FAM90A1: variants seen among roughly 807,000 people sequenced by gnomAD.
FAM90A1 encodes family with sequence similarity 90 member A1.
A neutral mutation model predicts 14.8 loss-of-function variants in FAM90A1; 10 were observed. The observed-to-expected ratio is 0.67, with a 90% CI of 0.42 to 1.14. The LOEUF is 1.14. Ranked by LOEUF, FAM90A1 falls within the 50% of genes most tolerant of loss-of-function variation. The probability of loss-of-function intolerance (pLI) is 0.00; values close to 1 mark genes in which losing one functional copy is unlikely to be tolerated. For synonymous variants in FAM90A1, 236 were observed against 248.4 expected (o/e 0.95, Z 0.47); for missense variants, 567 against 602.8 (o/e 0.94, Z 0.62).
rs373187974 is a variant in FAM90A1 at position 8,222,602 on chromosome 12, C to A, written c.615G>T (p.Gly205=). The change falls in exon 7 of 7, where the codon GGG becomes GGT. Residue 205 remains glycine (G), a synonymous_variant. Transcript: ENST00000538603. ...CAGTCTGAGGGATGTCGGCCGCAGC[C>A]CCTGTCTGTCTTTCCTTTGGTCCAA... The part of the protein sequence containing the change: ...SSLGPKERQT[G]AAADIPQTAV... The A allele has an allele frequency of 2.3e-4, 368 of 1,611,966 alleles. 2 individuals carry two copies. In the East Asian group the frequency reaches 6.2e-3, roughly 27 times the overall value.
rs1224551596 is a variant in FAM90A1 at position 8,221,401 on chromosome 12, C to A, written c.*421G>T. On this transcript the variant is annotated 3_prime_UTR_variant, in exon 7 of 7. Transcript: ENST00000538603. Reference sequence around the variant, plus strand: ...GCGCTTCCCAGCGTCCGAAACACTGCTCTCAGGGCGGGGCACAGCGGAAGG... The same window carrying A: ...GCGCTTCCCAGCGTCCGAAACACTGATCTCAGGGCGGGGCACAGCGGAAGG... 3 of 315,270 alleles carry A rather than the reference C, an allele frequency of 9.5e-6. No homozygotes were observed. Among genetic ancestry groups the A allele is most frequent in the African/African-American group, 2.2e-5 (1 of 46,048 alleles). 19.5% of individuals were successfully genotyped at this position (315,270 alleles called of 1,614,324 possible).
At position 8,224,025 on chromosome 12, in the gene FAM90A1, T is replaced by C; in HGVS notation, c.314A>G (p.Glu105Gly). 1 of 1,612,016 alleles carries C rather than the reference T, an allele frequency of 6.2e-7. No individual in the cohort carries two copies. Among genetic ancestry groups the C allele is most frequent in the Non-Finnish European group, 8.5e-7 (1 of 1,179,852 alleles). Reference protein sequence around the residue: ...PLNKDKGEKEERPRPQDPQRK... With the variant: ...PLNKDKGEKEGRPRPQDPQRK... ...CACTCCCACTGCTCACCTTGGTCTCTCTTCCTTCTCTCCCTTATCCTTGTT... is the reference window on the plus strand; with the variant it reads ...CACTCCCACTGCTCACCTTGGTCTCCCTTCCTTCTCTCCCTTATCCTTGTT... Residue 105 changes from glutamate to glycine, a missense_variant, in exon 5 of 7, where the codon GAG (glutamate) becomes GGG (glycine). Transcript: ENST00000538603.
In FAM90A1 at chr12:8,224,835, T is replaced by G; in HGVS notation, c.-3A>C. 6.2e-7 allele frequency: 1 copy of G among 1,605,406 alleles called. No individual in the cohort carries two copies. Among genetic ancestry groups the G allele is most frequent in the Non-Finnish European group, 8.5e-7 (1 of 1,178,844 alleles). ...TTGGGGTCACGACGTGCCATCATCTTCGTCTCCTGGGGGTTTTATGACCGC... is the reference window on the plus strand; with the variant it reads ...TTGGGGTCACGACGTGCCATCATCTGCGTCTCCTGGGGGTTTTATGACCGC... On this transcript the variant is annotated 5_prime_UTR_variant, in exon 4 of 7. Coordinates refer to ENST00000538603, the MANE Select transcript of FAM90A1 (RefSeq NM_018088.3).
intron 1 of FAM90A1, among the ~76,000 whole-genome samples, chr12:8,227,264 C>A (rs1286939901): frequency 1.3e-5 from 2 of 152,208 alleles, no homozygotes; most frequent in African/African-American, 4.8e-5. Context: ...GCTGGTCCTG[C>A]TCTCCTCCCT....
At chr12:8,223,815 C>G (rs1291089577) in intron 5 of FAM90A1, among the ~76,000 whole-genome samples, 1 of 152,210 alleles carries the variant, frequency 6.6e-6, no homozygotes, top group Non-Finnish European at 1.5e-5. Context: ...AGCGCCCCCG[C>G]CCCTCCCCGT....
rs745618696 is a variant in FAM90A1 at position 8,222,142 on chromosome 12, C to T, written c.1075G>A (p.Gly359Ser). Residue 359 changes from glycine (G) to serine (S), a missense_variant, in exon 7 of 7, where the codon GGC (glycine) becomes AGC (serine). Physicochemically the swap from Gly to Ser is moderately conservative, Grantham distance 56. Coordinates refer to ENST00000538603, the MANE Select transcript of FAM90A1 (RefSeq NM_018088.3). Reference protein sequence around the residue: ...GTRTPAQVLSGDRQPPHSRPC... With the variant: ...GTRTPAQVLSSDRQPPHSRPC... ...CTGCTGTGCGGAGGCTGCCGGTCGC[C>T]GCTAAGCACCTGGGCGGGTGTCCTC... 1.9e-5 allele frequency: 31 copies of T among 1,611,932 alleles called. No individual in the cohort carries two copies. Among genetic ancestry groups the T allele is most frequent in the East Asian group, 2.2e-5 (1 of 44,872 alleles).
intron 4 of FAM90A1, 127 bp downstream of exon 4, chr12:8,224,583 A>G: frequency 2.3e-6 from 2 of 855,622 alleles, no homozygotes; most frequent in South Asian, 3.4e-5. Flanking sequence ...CTTGGATGGG[A>G]AAAGCAACCT....
At chr12:8,222,837 T>C in intron 6 of FAM90A1, 53 bp from the exon 7 acceptor site, 1 of 1,544,440 alleles carries the variant, frequency 6.5e-7, no homozygotes, top group Non-Finnish European at 8.7e-7. Context: ...GGAGCCAACA[T>C]GAAAATCAAC....
At position 8,222,289 on chromosome 12, in the gene FAM90A1, G is replaced by T. The variant is rs1419815978; in HGVS notation, c.928C>A (p.Leu310Met). Residue 310 changes from leucine (L) to methionine (M), a missense_variant, in exon 7 of 7, where the codon CTG (leucine) becomes ATG (methionine). Physicochemically the swap from Leu to Met is conservative, Grantham distance 15. Coordinates refer to ENST00000538603, the MANE Select transcript of FAM90A1 (RefSeq NM_018088.3). ...CTTTCGGGGATCTGGAAGGGACCCA[G>T]TCTCGGTTTCTTGGGGAAGTTCAGG... ...ACLNFPKKPRLGPFQIPESAI... is the reference protein window; with the variant it reads ...ACLNFPKKPRMGPFQIPESAI... 4 of 1,611,432 alleles carry T rather than the reference G, an allele frequency of 2.5e-6. No homozygotes were observed. In the South Asian group the frequency reaches 4.4e-5, roughly 18 times the overall value.
At chr12:8,223,870 C>A in intron 5 of FAM90A1, 146 bp downstream of exon 5, 3 of 924,186 alleles carry the variant, frequency 3.2e-6, no homozygotes, top group East Asian at 4.9e-5. Context: ...TGTGGAACTC[C>A]GGAAGACACA....
chr12:8,222,873 C>A (rs188792252), intron 6 of FAM90A1, 89 bp from the exon 7 acceptor site: 5 of 1,422,366 alleles, frequency 3.5e-6, no homozygotes, highest in Non-Finnish European at 4.8e-6. Context: ...GGTGCACACG[C>A]CATGAAATTC....
chr12:8,225,512 G>A (rs2953224), intron 3 of FAM90A1, among the ~76,000 whole-genome samples: 26,726 of 151,038 alleles, frequency 0.18, 1,741 homozygotes, highest in East Asian at 0.3. Context: ...TCATCTAAAC[G>A]AACGGTGAAC....
rs1222017496 is a variant in FAM90A1 at position 8,225,868 on chromosome 12, T to TGGCGCTGAGATGGGCA, written c.-105_-90dup. 6.6e-6 allele frequency: 1 copy of TGGCGCTGAGATGGGCA among 152,174 alleles called. No individual in the cohort carries two copies. The highest frequency in any genetic ancestry group is 2.4e-5 in the African/African-American group (1 of 41,424). The allele number at this position is 152,174 out of a possible 1,614,324, so 9.4% of individuals were successfully genotyped here. The stretch of plus-strand genomic sequence containing the variant: ...TACACGTCTACTTTCTTTCCCCGGC[T>TGGCGCTGAGATGGGCA]GGCGCTGAGATGGGCAGGTGCTGGA... On this transcript the variant is annotated 5_prime_UTR_variant, in exon 3 of 7. It removes the in-frame stop codon of an upstream open reading frame in the 5' UTR. Transcript: ENST00000538603.
In FAM90A1 at chr12:8,224,696, A is replaced by T. The variant is rs375643629; in HGVS notation, c.123+14T>A. The T allele has an allele frequency of 1.9e-3, 2,079 of 1,118,362 alleles. 31 individuals carry two copies. In the African/African-American group the frequency reaches 0.032, roughly 17 times the overall value. 69.3% of individuals were successfully genotyped at this position (1,118,362 alleles called of 1,614,324 possible). On this transcript the variant is annotated intron_variant, in intron 4 of 6. Transcript: ENST00000538603. ...CCCCACCCCAATACCCAAGAGATCC[A>T]GGGCTAGACTTACCCTGGGATCTTC...
At chr12:8,222,820 T>C in intron 6 of FAM90A1, 36 bp from the exon 7 acceptor site, 1 of 1,563,328 alleles carries the variant, frequency 6.4e-7, no homozygotes, top group Non-Finnish European at 8.6e-7. Flanking sequence ...TAGAAGTTCC[T>C]CAGCATGGAG....
At chr12:8,225,552 G>A (rs1322911879) in intron 3 of FAM90A1, among the ~76,000 whole-genome samples, 2 of 152,034 alleles carry the variant, frequency 1.3e-5, no homozygotes, top group Admixed American at 1.3e-4. Flanking sequence ...TGTCTTACAC[G>A]GCTGAAGGGC....
chr12:8,222,545 G>A lies in FAM90A1; in HGVS notation c.672C>T (p.Leu224=), dbSNP rs370573998. The A allele has an allele frequency of 1.1e-5, 17 of 1,611,906 alleles. No homozygotes were observed. The highest frequency in any genetic ancestry group is 1.4e-5 in the Non-Finnish European group (17 of 1,179,872). Residue 224 remains leucine (L), a synonymous_variant, in exon 7 of 7, where the codon CTC becomes CTT. Coordinates refer to ENST00000538603, the MANE Select transcript of FAM90A1 (RefSeq NM_018088.3). Reference sequence around the variant, plus strand: ...GGCTGCTGTGTGTCGGCTTCACCACGAGGAGAGGCTCGGGGCCCTGGTGCC... The same window carrying A: ...GGCTGCTGTGTGTCGGCTTCACCACAAGGAGAGGCTCGGGGCCCTGGTGCC... ...AVRHQGPEPL[L]VVKPTHSSPA... is the part of the protein sequence containing the mutation.
At position 8,222,033 on chromosome 12, in the gene FAM90A1, A is replaced by G. The variant is rs774941532; in HGVS notation, c.1184T>C (p.Leu395Pro). The change falls in exon 7 of 7, where the codon CTC becomes CCC. Residue 395 changes from leucine to proline, a missense_variant. By Grantham distance (98) the Leu-to-Pro change is moderately conservative. Transcript: ENST00000538603. Reference sequence around the variant, plus strand: ...GCGTCCGTTTTCCAGTCTCCGAAAGAGCACTCTGAGAGGCTGGGCCCCATC... The same window carrying G: ...GCGTCCGTTTTCCAGTCTCCGAAAGGGCACTCTGAGAGGCTGGGCCCCATC... ...SHDGAQPLRV[L>P]FRRLENGRWS... The G allele has an allele frequency of 3.7e-6, 6 of 1,602,948 alleles. No individual in the cohort carries two copies. The East Asian group carries it at 6.7e-5, about 18-fold the overall frequency.
Position 8,221,876 on chromosome 12 carries a change from A to G in FAM90A1, c.1341T>C (p.Tyr447=), listed in dbSNP as rs1490239294. The G allele has an allele frequency of 6.3e-7, 1 of 1,596,132 alleles. No individual in the cohort carries two copies. Among genetic ancestry groups the G allele is most frequent in the Non-Finnish European group, 8.5e-7 (1 of 1,179,556 alleles). The part of the protein sequence containing the change: ...PCVRVPPSVL[Y]EDLQVPSSSE... ...AGGAGGAGGGAACCTGAAGGTCCTC[A>G]TAGAGGACGCTTGGTGGGACACGAA... Residue 447 remains tyrosine, a synonymous_variant, in exon 7 of 7, where the codon TAT becomes TAC. Coordinates refer to ENST00000538603, the MANE Select transcript of FAM90A1 (RefSeq NM_018088.3).
Sources: allele counts gnomAD v4.1 joint callset (sites outside exome capture counted in the v4.1 genomes callset), GRCh38; gene constraint gnomAD v4.1.1; transcripts MANE v1.5; gene names NCBI Gene and HGNC (gene_info 2026-07-23, HGNC 2026-07-21).